ULK4: variants seen among roughly 807,000 people sequenced by gnomAD.
ULK4 encodes inactive serine/threonine-protein kinase ULK4.
Under a neutral mutation model 160.6 loss-of-function variants are expected in ULK4, and 133 were observed. The observed-to-expected ratio is 0.83, with a 90% CI of 0.72 to 0.96. The LOEUF (loss-of-function observed/expected upper bound fraction) is 0.96, where lower values mean the gene tolerates loss of function less well. Among genes scored for constraint, ULK4 ranks in the 40% least tolerant of loss-of-function variants. ULK4 has a pLI of 0.00. For missense variants in ULK4, 1,580 were observed against 1,499.5 expected, an observed-to-expected ratio of 1.05 and a Z score of -0.89; for synonymous variants, 534 against 539.8, an observed-to-expected ratio of 0.99 and a Z score of 0.15.
At chr3:41,713,990 A>G (rs2037182452) in intron 25 of ULK4, among the ~76,000 whole-genome samples, 1 of 152,224 alleles carries the variant, frequency 6.6e-6, no homozygotes, top group African/African-American at 2.4e-5. Flanking sequence ...GTGCCAAAAT[A>G]ATCCAAGGTG....
chr3:41,642,963 G>T (rs2034294555), intron 30 of ULK4, among the ~76,000 whole-genome samples: 1 of 152,146 alleles, frequency 6.6e-6, no homozygotes, highest in Non-Finnish European at 1.5e-5. Context: ...ATTTTTTCAT[G>T]TGTCTGTTGG....
intron 19 of ULK4, among the ~76,000 whole-genome samples, chr3:41,813,579 T>A (rs1165903421): frequency 3.9e-5 from 6 of 152,220 alleles, no homozygotes; most frequent in African/African-American, 1.4e-4. Flanking sequence ...ATATATGTTA[T>A]CTTTGAAATG....
intron 13 of ULK4, chr3:41,899,246 CCTGA>C (rs1332958477): frequency 5.9e-5 from 9 of 152,352 alleles, no homozygotes; most frequent in African/African-American, 1.9e-4. Context: ...GATTATCCTG[CCTGA>C]CTAACACTAT....
intron 34 of ULK4, among the ~76,000 whole-genome samples, chr3:41,417,409 A>T (rs1462719853): frequency 6.6e-6 from 1 of 152,154 alleles, no homozygotes; most frequent in Non-Finnish European, 1.5e-5. Flanking sequence ...AGAGGGAGGA[A>T]AATGTGACAC....
intron 30 of ULK4, among the ~76,000 whole-genome samples, chr3:41,656,491 A>C (rs1451761647): frequency 2.0e-5 from 3 of 152,230 alleles, no homozygotes; most frequent in Non-Finnish European, 4.4e-5. Flanking sequence ...TATCTCCTCC[A>C]TTAAATACTA....
At chr3:41,549,459 A>T (rs2086986018) in intron 32 of ULK4, among the ~76,000 whole-genome samples, 1 of 152,130 alleles carries the variant, frequency 6.6e-6, no homozygotes, top group African/African-American at 2.4e-5. Context: ...GAATTTTAGA[A>T]ATTGAAGAAA....
chr3:41,703,834 GCACACACA>G lies in ULK4; in HGVS notation c.2781+1215_2781+1222del, dbSNP rs35693704. ...TTTAAGTGAAGGATTTAATGCGCATGCACACACACACACACACACACACACACACACAC... is the reference window on the plus strand; with the variant it reads ...TTTAAGTGAAGGATTTAATGCGCATGCACACACACACACACACACACACAC... On this transcript the variant is annotated intron_variant, in intron 27 of 36. Coordinates refer to ENST00000301831, the MANE Select transcript of ULK4 (RefSeq NM_017886.4). 6.8e-4 allele frequency among the ~76,000 whole-genome samples: 88 copies of G among 129,292 alleles called. 2 individuals carry two copies. The highest frequency in any genetic ancestry group is 7.3e-3 in the Middle Eastern group (2 of 274). The allele number at this position is 129,292 out of a possible 152,430, so 84.8% of individuals were successfully genotyped here.
intron 35 of ULK4, among the ~76,000 whole-genome samples, chr3:41,293,343 G>C (rs568557032): frequency 6.6e-6 from 1 of 152,156 alleles, no homozygotes; most frequent in South Asian, 2.1e-4. Context: ...GGTCTCAGGA[G>C]AATGAGATTA....
intron 21 of ULK4, among the ~76,000 whole-genome samples, chr3:41,783,720 C>T (rs528182114): frequency 6.6e-6 from 1 of 152,246 alleles, no homozygotes; most frequent in African/African-American, 2.4e-5. Flanking sequence ...TGTCACTATA[C>T]AGTCTGATAA....
chr3:41,936,759 G>A (rs1198085941), intron 3 of ULK4, among the ~76,000 whole-genome samples: 1 of 152,186 alleles, frequency 6.6e-6, no homozygotes. Context: ...ATGGCTACCA[G>A]AGGTTGGGAA....
At chr3:41,811,436 G>A (rs1374138612) in intron 19 of ULK4, among the ~76,000 whole-genome samples, 1 of 152,130 alleles carries the variant, frequency 6.6e-6, no homozygotes, top group South Asian at 2.1e-4. Context: ...GGGATTACAG[G>A]TGTGATTGAG....
At chr3:41,655,179 C>T (rs1026532605) in intron 30 of ULK4, among the ~76,000 whole-genome samples, 2 of 151,680 alleles carry the variant, frequency 1.3e-5, no homozygotes, top group Non-Finnish European at 2.9e-5. Context: ...TCTAGGTGTA[C>T]ATGGAATGCT....
intron 20 of ULK4, among the ~76,000 whole-genome samples, chr3:41,790,113 T>C (rs28572376): frequency 0.046 from 7,076 of 152,206 alleles, 319 homozygotes; most frequent in African/African-American, 0.11. Context: ...TATAGAAAAA[T>C]GTCCCTTTAA....
intron 32 of ULK4, among the ~76,000 whole-genome samples, chr3:41,471,702 A>T (rs891914282): frequency 3.9e-5 from 6 of 152,194 alleles, no homozygotes; most frequent in African/African-American, 1.2e-4. Context: ...CAACAACAGG[A>T]GTAATTTTGG....
chr3:41,529,923 T>G (rs1259473217), intron 32 of ULK4, among the ~76,000 whole-genome samples: 1 of 152,196 alleles, frequency 6.6e-6, no homozygotes, highest in Non-Finnish European at 1.5e-5. Context: ...TAAAATATCC[T>G]GAATAGGCAA....
intron 32 of ULK4, among the ~76,000 whole-genome samples, chr3:41,513,378 C>T (rs569791585): frequency 1.4e-4 from 22 of 152,286 alleles, no homozygotes; most frequent in East Asian, 5.8e-4. Context: ...TGGCTCACAC[C>T]TGTAATCCCA....
chr3:41,847,058 A>G (rs2042086205), intron 17 of ULK4, among the ~76,000 whole-genome samples: 1 of 152,198 alleles, frequency 6.6e-6, no homozygotes, highest in Admixed American at 6.5e-5. Context: ...GTAATTTAAG[A>G]CTGTACTGCC....
intron 19 of ULK4, among the ~76,000 whole-genome samples, chr3:41,814,673 A>G (rs1459243632): frequency 6.6e-6 from 1 of 152,126 alleles, no homozygotes; most frequent in African/African-American, 2.4e-5. Flanking sequence ...AGATACATTA[A>G]AATTTTAGAT....
At chr3:41,953,304 A>ATATTTTT (rs1181182812) in intron 2 of ULK4, among the ~76,000 whole-genome samples, 1 of 124,814 alleles carries the variant, frequency 8.0e-6, no homozygotes, top group African/African-American at 3.1e-5. Context: ...ATATATATAT[A>ATATTTTT]TTTTTTTTTT....
Sources: gnomAD v4.1 joint callset for allele counts (sites outside exome capture counted in the v4.1 genomes callset) on GRCh38, gnomAD v4.1.1 for gene constraint, MANE v1.5 for transcripts, NCBI Gene and HGNC (gene_info 2026-07-23, HGNC 2026-07-21) for gene names.